WDR7: variants seen among roughly 807,000 people sequenced by gnomAD.
WDR7 encodes the protein WD repeat-containing protein 7.
Under a neutral mutation model 169.4 loss-of-function variants are expected in WDR7, and 46 were observed. The ratio of observed to expected loss-of-function variants is 0.27; its 90% CI spans 0.21 to 0.35. The LOEUF (loss-of-function observed/expected upper bound fraction) is 0.35. WDR7 is among the 10% of genes least tolerant of loss of function. WDR7 has a pLI of 1.00. For missense variants in WDR7, 1,534 were observed against 1,859.3 expected (o/e 0.83, Z 3.22); for synonymous variants, 612 against 666.8 (o/e 0.92, Z 1.27).
chr18:56,817,815 G>A (rs1451251793), intron 20 of WDR7, among the ~76,000 whole-genome samples: 2 of 150,310 alleles, frequency 1.3e-5, no homozygotes, highest in Admixed American at 6.6e-5. Flanking sequence ...GCGCGATCTC[G>A]GCTCACTGCA....
intron 19 of WDR7, among the ~76,000 whole-genome samples, chr18:56,798,782 A>G (rs752456762): frequency 1.3e-5 from 2 of 152,304 alleles, no homozygotes; most frequent in East Asian, 3.9e-4. Context: ...AGACTTTTTG[A>G]TAGATACTGA....
rs147376403 is a variant in WDR7 at position 56,941,617 on chromosome 18, A to G, written c.4064+2224A>G. On this transcript the variant is annotated intron_variant, in intron 25 of 27. Coordinates refer to ENST00000254442, the MANE Select transcript of WDR7 (RefSeq NM_015285.3). ...CCGAGTATAGAGGGCTTTGAATTTC[A>G]TAGGAAAGAGTTTGACTATTACAGC... Among the ~76,000 whole-genome samples, 219 of 152,310 alleles carry G rather than the reference A, an allele frequency of 1.4e-3. 1 individual carries two copies. Among genetic ancestry groups the G allele is most frequent in the Middle Eastern group, 3.4e-3 (1 of 294 alleles).
In WDR7 at chr18:56,876,079, T is replaced by G. The variant is rs181102326; in HGVS notation, c.3305-3865T>G. 6.7e-4 allele frequency among the ~76,000 whole-genome samples: 102 copies of G among 152,296 alleles called. 1 individual carries two copies. Among genetic ancestry groups the G allele is most frequent in the Non-Finnish European group, 3.1e-4 (21 of 68,022 alleles). ...GGTTAGAAGTCTTCAGCTTGCCATA[T>G]GAGGCCTCTCATGGTTTGGCACCTC... On this transcript the variant is annotated intron_variant, in intron 20 of 27. Transcript: ENST00000254442.
chr18:57,008,124 C>G (rs1303929017), intron 26 of WDR7, among the ~76,000 whole-genome samples: 2 of 152,132 alleles, frequency 1.3e-5, no homozygotes, highest in Non-Finnish European at 2.9e-5. Context: ...TGATCCCTAT[C>G]CGCCGCGCCC....
chr18:56,886,356 G>T (rs1055385790), intron 21 of WDR7, among the ~76,000 whole-genome samples: 3 of 152,118 alleles, frequency 2.0e-5, no homozygotes, highest in Non-Finnish European at 4.4e-5. Flanking sequence ...TATCAGCCAA[G>T]AATTTTGTAT....
At chr18:56,897,297 T>C (rs888424115) in intron 21 of WDR7, among the ~76,000 whole-genome samples, 13 of 151,904 alleles carry the variant, frequency 8.6e-5, no homozygotes, top group African/African-American at 3.1e-4. Flanking sequence ...CCTTTTCACA[T>C]GTAACCCAGG....
At chr18:56,686,432 C>CT (rs1034120231) in intron 6 of WDR7, among the ~76,000 whole-genome samples, 5 of 151,716 alleles carry the variant, frequency 3.3e-5, no homozygotes, top group African/African-American at 7.3e-5. Flanking sequence ...ATTCCTTGTT[C>CT]TTTTTTTTAT....
intron 1 of WDR7, among the ~76,000 whole-genome samples, chr18:56,659,503 A>G (rs998590152): frequency 6.6e-5 from 10 of 152,230 alleles, no homozygotes; most frequent in African/African-American, 2.4e-4. Context: ...GCAGATGATA[A>G]ATAAATAAAA....
intron 4 of WDR7, 37 bp from the exon 5 acceptor site, chr18:56,682,642 C>A: frequency 6.3e-7 from 1 of 1,591,106 alleles, no homozygotes; most frequent in Non-Finnish European, 8.6e-7. Flanking sequence ...TAAAGGAGAA[C>A]ACTCAGAAAT....
At chr18:56,791,200 A>T (rs866370943) in intron 19 of WDR7, among the ~76,000 whole-genome samples, 1 of 152,204 alleles carries the variant, frequency 6.6e-6, no homozygotes, top group Admixed American at 6.5e-5. Context: ...GGAAAAGATG[A>T]TGAAACTTAA....
downstream of WDR7, chr18:57,032,366 T>A (rs2048445674): frequency 1.3e-5 from 2 of 152,238 alleles, no homozygotes; most frequent in African/African-American, 4.8e-5. Flanking sequence ...CTGTTGCCAA[T>A]ATCTTCTTGT....
In WDR7 at chr18:56,711,955, G is replaced by A. The variant is rs75068858; in HGVS notation, c.1579-6009G>A. On this transcript the variant is annotated intron_variant, in intron 12 of 27. Transcript: ENST00000254442. ...AAAAGAAACTGGTCATTTACAGCATGTCTAATGATGGGCATGTTTAAAAGG... is the reference window on the plus strand; with the variant it reads ...AAAAGAAACTGGTCATTTACAGCATATCTAATGATGGGCATGTTTAAAAGG... Among the ~76,000 whole-genome samples, 755 of 152,254 alleles carry A rather than the reference G, an allele frequency of 5.0e-3. 10 individuals are homozygous for A. The highest frequency in any genetic ancestry group is 0.017 in the Middle Eastern group (5 of 294).
chr18:56,811,707 G>T (rs1434037016), intron 19 of WDR7, among the ~76,000 whole-genome samples: 1 of 151,988 alleles, frequency 6.6e-6, no homozygotes, highest in Non-Finnish European at 1.5e-5. Flanking sequence ...TGGATGTTCA[G>T]TTGTTCTAGC....
At chr18:56,759,034 A>G (rs1194575539) in intron 16 of WDR7, 81 bp downstream of exon 16, 2 of 1,160,484 alleles carry the variant, frequency 1.7e-6, no homozygotes, top group Non-Finnish European at 2.4e-6. Flanking sequence ...TATAATCATA[A>G]TATTTGTTTG....
intron 26 of WDR7, among the ~76,000 whole-genome samples, chr18:56,986,839 A>G (rs1010515500): frequency 1.1e-4 from 16 of 152,180 alleles, no homozygotes; most frequent in Non-Finnish European, 2.4e-4. Flanking sequence ...TGCCAAATTC[A>G]TGACATTTTA....
At chr18:56,674,686 T>TCA (rs142876406) in intron 2 of WDR7, among the ~76,000 whole-genome samples, 14,661 of 47,480 alleles carry the variant, frequency 0.31, 863 homozygotes, top group Non-Finnish European at 0.52. Context: ...AAAGTTCAGT[T>TCA]TATCTTTTTC....
chr18:56,763,079 G>T (rs913762427), intron 16 of WDR7, among the ~76,000 whole-genome samples: 8 of 151,976 alleles, frequency 5.3e-5, no homozygotes, highest in African/African-American at 1.9e-4. Flanking sequence ...TCCTGCCTCA[G>T]CCTCCTGAGT....
chr18:56,677,489 A>C (rs1235042777), intron 2 of WDR7, among the ~76,000 whole-genome samples: 1 of 152,110 alleles, frequency 6.6e-6, no homozygotes, highest in Non-Finnish European at 1.5e-5. Flanking sequence ...AGCTGGGACT[A>C]CAGATGTGTG....
chr18:56,956,477 C>G (rs1213769417), intron 25 of WDR7, among the ~76,000 whole-genome samples: 1 of 152,140 alleles, frequency 6.6e-6, no homozygotes, highest in Non-Finnish European at 1.5e-5. Context: ...CTCTGAGAAC[C>G]TACCCTTGAA....
Sources: gnomAD v4.1 joint callset for allele counts (sites outside exome capture counted in the v4.1 genomes callset) on GRCh38, gnomAD v4.1.1 for gene constraint, MANE v1.5 for transcripts, NCBI Gene and HGNC (gene_info 2026-07-23, HGNC 2026-07-21) for gene names.